SYT1: variants seen among roughly 807,000 people sequenced by gnomAD.
SYT1 encodes synaptotagmin-1.
A neutral mutation model predicts 44.8 loss-of-function variants in SYT1; 8 were observed. The ratio of observed to expected loss-of-function variants is 0.18; its 90% confidence interval spans 0.10 to 0.32. The LOEUF (loss-of-function observed/expected upper bound fraction) is 0.32, where lower values mean the gene tolerates loss of function less well. SYT1 is among the 10% of genes least tolerant of loss of function. The pLI, the probability that SYT1 is intolerant of heterozygous loss-of-function variation, is 1.00. For missense variants in SYT1, 286 were observed against 509.3 expected, an observed-to-expected ratio of 0.56 and a Z score of 4.22; for synonymous variants, 154 against 188.8, an observed-to-expected ratio of 0.82 and a Z score of 1.51.
Position 78,894,558 on chromosome 12 carries a change from C to T in SYT1, c.-217+29449C>T, listed in dbSNP as rs186974165. ...ATAATAGGATTCTCTTCATAAACTC[C>T]TCACGATTAAATGAAACAATGCATA... On this transcript the variant is annotated intron_variant, in intron 1 of 10. Coordinates refer to ENST00000261205, the MANE Select transcript of SYT1 (RefSeq NM_005639.3). Among the ~76,000 whole-genome samples, 3 of 151,398 alleles carry T rather than the reference C, an allele frequency of 2.0e-5. No homozygotes were observed. In the Admixed American group the frequency reaches 2.0e-4, roughly 10 times the overall value.
chr12:79,123,613 A>G (rs997745175), intron 3 of SYT1, among the ~76,000 whole-genome samples: 3 of 152,152 alleles, frequency 2.0e-5, no homozygotes, highest in African/African-American at 7.2e-5. Context: ...CATAAATCCA[A>G]TACTGTTGTG....
chr12:79,292,137 A>C lies in SYT1; in HGVS notation c.474+7A>C. On this transcript the variant is annotated splice_region_variant and intron_variant, in intron 6 of 10. Transcript: ENST00000261205. ...TGATTTCCAAAATAACCAGGTCTGA[A>C]GTGGAGAAATGTCTTCTAATTCCAT... 1 of 1,610,024 alleles carries C rather than the reference A, an allele frequency of 6.2e-7. No individual in the cohort carries two copies. The highest frequency in any genetic ancestry group is 8.5e-7 in the Non-Finnish European group (1 of 1,178,884).
chr12:79,034,204 T>C (rs1001016786), intron 2 of SYT1, among the ~76,000 whole-genome samples: 1 of 151,546 alleles, frequency 6.6e-6, no homozygotes, highest in Admixed American at 6.6e-5. Flanking sequence ...TGGAAAGCCC[T>C]TTTGTTTTAA....
intron 3 of SYT1, among the ~76,000 whole-genome samples, chr12:79,129,185 C>T (rs1868644252): frequency 6.6e-6 from 1 of 152,104 alleles, no homozygotes; most frequent in Admixed American, 6.6e-5. Context: ...TGGCATGACT[C>T]ATAAAGCCTT....
intron 9 of SYT1, among the ~76,000 whole-genome samples, chr12:79,422,675 G>GCT (rs151278469): frequency 0.039 from 5,804 of 147,858 alleles, 148 homozygotes; most frequent in Non-Finnish European, 0.058. Context: ...GGTTGCTCGT[G>GCT]CTCTCTCTCT....
intron 4 of SYT1, among the ~76,000 whole-genome samples, chr12:79,258,574 G>C (rs1877659815): frequency 6.6e-6 from 1 of 152,192 alleles, no homozygotes; most frequent in Non-Finnish European, 1.5e-5. Context: ...AGTTCAAAGA[G>C]CTGTTAAGAT....
At chr12:78,890,306 G>A (rs1016409031) in intron 1 of SYT1, among the ~76,000 whole-genome samples, 1 of 151,956 alleles carries the variant, frequency 6.6e-6, no homozygotes, top group East Asian at 2.0e-4. Context: ...GGGAGGGAAA[G>A]AACCTTAGAT....
At chr12:79,411,106 G>A (rs1841530747) in intron 9 of SYT1, among the ~76,000 whole-genome samples, 1 of 152,172 alleles carries the variant, frequency 6.6e-6, no homozygotes, top group Non-Finnish European at 1.5e-5. Context: ...TCTGGAATAT[G>A]AAATAATGTA....
chr12:79,398,424 T>C (rs1445699644), intron 9 of SYT1, among the ~76,000 whole-genome samples: 1 of 152,216 alleles, frequency 6.6e-6, no homozygotes, highest in Non-Finnish European at 1.5e-5. Context: ...TAATTTTAAA[T>C]TTCCTGATAA....
chr12:79,315,660 T>C (rs1387099055), intron 8 of SYT1, among the ~76,000 whole-genome samples: 1 of 152,162 alleles, frequency 6.6e-6, no homozygotes, highest in Non-Finnish European at 1.5e-5. Context: ...TCGCTGAAAA[T>C]ATTCTAGTCT....
At chr12:79,199,709 A>G (rs1194215041) in intron 3 of SYT1, among the ~76,000 whole-genome samples, 1 of 152,198 alleles carries the variant, frequency 6.6e-6, no homozygotes, top group African/African-American at 2.4e-5. Flanking sequence ...AGAGTAATGC[A>G]AAATTAGGTT....
At chr12:79,296,399 C>T (rs1263640847) in intron 7 of SYT1, among the ~76,000 whole-genome samples, 163 bp downstream of exon 7, 1 of 152,104 alleles carries the variant, frequency 6.6e-6, no homozygotes, top group Admixed American at 6.5e-5. Context: ...AGTCAACATT[C>T]GATATTGCCT....
intron 1 of SYT1, among the ~76,000 whole-genome samples, chr12:78,916,107 C>G (rs1022179531): frequency 6.6e-6 from 1 of 151,712 alleles, no homozygotes; most frequent in Non-Finnish European, 1.5e-5. Flanking sequence ...AGAAATGAAC[C>G]CCAACGGAAG....
chr12:79,085,721 A>T (rs1877336078), intron 3 of SYT1, among the ~76,000 whole-genome samples: 1 of 152,144 alleles, frequency 6.6e-6, no homozygotes, highest in African/African-American at 2.4e-5. Context: ...AAATGAAAAC[A>T]TTGAACAAGA....
At chr12:79,026,671 A>ATATATATATC (rs1872554057) in intron 2 of SYT1, among the ~76,000 whole-genome samples, 1 of 70,966 alleles carries the variant, frequency 1.4e-5, no homozygotes. Flanking sequence ...TATATTTTAT[A>ATATATATATC]TATATATATA....
intron 1 of SYT1, among the ~76,000 whole-genome samples, chr12:78,941,825 G>A (rs1374178071): frequency 6.6e-6 from 1 of 152,162 alleles, no homozygotes; most frequent in African/African-American, 2.4e-5. Flanking sequence ...CCCAAGTGAG[G>A]CTATTCATTT....
chr12:79,312,507 C>T (rs1303117327), intron 8 of SYT1, among the ~76,000 whole-genome samples: 1 of 151,948 alleles, frequency 6.6e-6, no homozygotes, highest in South Asian at 2.1e-4. Flanking sequence ...CTAGAATTTT[C>T]CCTTTTGATA....
intron 4 of SYT1, among the ~76,000 whole-genome samples, chr12:79,271,500 T>C (rs771992431): frequency 6.3e-4 from 96 of 152,270 alleles, no homozygotes; most frequent in Admixed American, 3.3e-3. Flanking sequence ...GAAATTGAGT[T>C]CTTTTAGTAA....
Position 79,401,110 on chromosome 12 carries a change from T to C in SYT1, c.929-42963T>C, listed in dbSNP as rs1269522065. On this transcript the variant is annotated intron_variant, in intron 9 of 10. Coordinates refer to ENST00000261205, the MANE Select transcript of SYT1 (RefSeq NM_005639.3). ...TGCCTTTCATTGTTATTATAATACA[T>C]ATCAAATTGCATTGTAGAATAAAAA... 2.6e-5 allele frequency among the ~76,000 whole-genome samples: 4 copies of C among 152,162 alleles called. No individual in the cohort carries two copies. In the East Asian group the frequency reaches 7.7e-4, roughly 29 times the overall value.
Sources: gnomAD v4.1 joint callset for allele counts (sites outside exome capture counted in the v4.1 genomes callset) on GRCh38, gnomAD v4.1.1 for gene constraint, MANE v1.5 for transcripts, NCBI Gene and HGNC (gene_info 2026-07-23, HGNC 2026-07-21) for gene names.